PCDH9: variants seen among roughly 807,000 people sequenced by gnomAD.
PCDH9 encodes the protein protocadherin-9.
In PCDH9, 24 loss-of-function variants were observed where a neutral mutation model predicts 70.6. The ratio of observed to expected loss-of-function variants is 0.34; its 90% CI spans 0.25 to 0.48. PCDH9 has a LOEUF of 0.48. Ranked by LOEUF, PCDH9 falls within the 20% of genes least tolerant of loss-of-function variation. The pLI is 0.99. For missense variants in PCDH9, 1,281 were observed against 1,503.6 expected (o/e 0.85, Z 2.45); for synonymous variants, 562 against 558.5 (o/e 1.01, Z -0.09).
At chr13:67,122,549 C>T (rs889636191) in intron 2 of PCDH9, among the ~76,000 whole-genome samples, 19 of 151,730 alleles carry the variant, frequency 1.3e-4, no homozygotes, top group Admixed American at 9.2e-4. Context: ...TCGAGGTGGG[C>T]GGATGACGAG....
chr13:67,189,671 A>G (rs959786470), intron 2 of PCDH9, among the ~76,000 whole-genome samples: 3 of 152,068 alleles, frequency 2.0e-5, no homozygotes, highest in African/African-American at 7.2e-5. Context: ...GATAAGTGCC[A>G]TGATGAGAAA....
intron 3 of PCDH9, among the ~76,000 whole-genome samples, chr13:66,712,182 AT>A (rs1350132818): frequency 6.6e-6 from 1 of 152,168 alleles, no homozygotes; most frequent in Admixed American, 6.5e-5. Context: ...TCCCTTGCAT[AT>A]TTTAGGATTT....
At chr13:66,414,172 T>C (rs943704716) in intron 4 of PCDH9, among the ~76,000 whole-genome samples, 2 of 152,204 alleles carry the variant, frequency 1.3e-5, no homozygotes, top group Non-Finnish European at 2.9e-5. Flanking sequence ...ACACTTTAAA[T>C]TTCACTCTGC....
intron 3 of PCDH9, among the ~76,000 whole-genome samples, chr13:66,804,886 T>G (rs1261026382): frequency 2.0e-5 from 3 of 152,088 alleles, no homozygotes; most frequent in African/African-American, 7.2e-5. Flanking sequence ...GGGAGTGTTA[T>G]TCATAATTAC....
intron 2 of PCDH9, among the ~76,000 whole-genome samples, chr13:66,978,947 A>G (rs948366228): frequency 9.2e-5 from 14 of 151,768 alleles, no homozygotes; most frequent in African/African-American, 3.4e-4. Context: ...TGTTATATAA[A>G]GTTATGAAGG....
At chr13:66,816,999 TA>T (rs11456031) in intron 3 of PCDH9, among the ~76,000 whole-genome samples, 3,299 of 141,786 alleles carry the variant, frequency 0.023, 128 homozygotes, top group African/African-American at 0.073. Context: ...TGAAAATATT[TA>T]AAAAAAAAAA....
At chr13:66,333,200 A>G (rs1955973496) in intron 4 of PCDH9, among the ~76,000 whole-genome samples, 1 of 152,214 alleles carries the variant, frequency 6.6e-6, no homozygotes, top group African/African-American at 2.4e-5. Context: ...AGCAAGTAGT[A>G]TGTGTAGATT....
At chr13:66,798,881 T>C (rs1174448829) in intron 3 of PCDH9, among the ~76,000 whole-genome samples, 1 of 152,128 alleles carries the variant, frequency 6.6e-6, no homozygotes, top group Non-Finnish European at 1.5e-5. Context: ...AGTGGCATGA[T>C]CTCTGCTAAT....
chr13:66,549,021 T>G (rs17584408), intron 4 of PCDH9, among the ~76,000 whole-genome samples: 24,312 of 152,052 alleles, frequency 0.16, 2,354 homozygotes, highest in Non-Finnish European at 0.21. Flanking sequence ...CCACCATAAG[T>G]GAGAGAAGAC....
intron 3 of PCDH9, among the ~76,000 whole-genome samples, chr13:66,762,037 AAGCTTGTCC>A (rs1396173491): frequency 8.5e-5 from 13 of 152,048 alleles, no homozygotes; most frequent in Non-Finnish European, 1.9e-4. Context: ...TTTCAACAGT[AAGCTTGTCC>A]AGAGATTCTG....
chr13:66,363,385 A>G (rs1956503288), intron 4 of PCDH9, among the ~76,000 whole-genome samples: 1 of 152,168 alleles, frequency 6.6e-6, no homozygotes, highest in Non-Finnish European at 1.5e-5. Flanking sequence ...AAGATTGTCC[A>G]TTAGGATATC....
chr13:66,318,196 T>G (rs2138080042), intron 4 of PCDH9, among the ~76,000 whole-genome samples: 1 of 152,290 alleles, frequency 6.6e-6, no homozygotes, highest in South Asian at 2.1e-4. Context: ...TCTTGAAAGG[T>G]AAATTTCTCT....
At chr13:67,038,983 C>T (rs1446666342) in intron 2 of PCDH9, among the ~76,000 whole-genome samples, 1 of 152,184 alleles carries the variant, frequency 6.6e-6, no homozygotes, top group East Asian at 1.9e-4. Flanking sequence ...CACCTCAAAA[C>T]ACCAGGGAGG....
chr13:66,634,710 T>C lies in PCDH9; in HGVS notation c.3139-3299A>G, dbSNP rs146226800. Among the ~76,000 whole-genome samples the C allele has an allele frequency of 3.0e-3, 463 of 152,266 alleles. 1 individual carries two copies. The highest frequency in any genetic ancestry group is 0.011 in the African/African-American group (440 of 41,572). On this transcript the variant is annotated intron_variant, in intron 3 of 4. Transcript: ENST00000377865. ...AGTCAATAAAAAGTAGCTATAATTATTGAAATTTAAAACTACATTTTTAAA... is the reference window on the plus strand; with the variant it reads ...AGTCAATAAAAAGTAGCTATAATTACTGAAATTTAAAACTACATTTTTAAA...
At chr13:66,386,424 G>C (rs970726495) in intron 4 of PCDH9, among the ~76,000 whole-genome samples, 2 of 152,092 alleles carry the variant, frequency 1.3e-5, no homozygotes, top group African/African-American at 4.8e-5. Flanking sequence ...TTTTTTGGAT[G>C]GGGGTTGAAC....
At position 66,728,445 on chromosome 13, in the gene PCDH9, A is replaced by G. The variant is rs1566152166; in HGVS notation, c.3139-97034T>C. ...TTTCCGAATGTTGTTTACTAAAATC[A>G]TAGTAGTGCTGACCATAATTATTAG... On this transcript the variant is annotated intron_variant, in intron 3 of 4. Coordinates refer to ENST00000377865, the MANE Select transcript of PCDH9 (RefSeq NM_203487.3). Among the ~76,000 whole-genome samples, 2 of 152,290 alleles carry G rather than the reference A, an allele frequency of 1.3e-5. 1 individual carries two copies. The highest frequency in any genetic ancestry group is 3.9e-4 in the East Asian group (2 of 5,188).
At chr13:66,768,228 A>G (rs1433343159) in intron 3 of PCDH9, among the ~76,000 whole-genome samples, 1 of 151,996 alleles carries the variant, frequency 6.6e-6, no homozygotes, top group African/African-American at 2.4e-5. Context: ...CCCTATGGCA[A>G]TAGTTGATCA....
intron 3 of PCDH9, among the ~76,000 whole-genome samples, chr13:66,758,054 C>T (rs530672880): frequency 7.8e-4 from 118 of 151,892 alleles, no homozygotes; most frequent in Middle Eastern, 3.5e-3. Flanking sequence ...ATAAGTAATA[C>T]GCAAAATGTT....
At chr13:66,318,304 C>T (rs1016059061) in intron 4 of PCDH9, among the ~76,000 whole-genome samples, 3 of 152,078 alleles carry the variant, frequency 2.0e-5, no homozygotes, top group African/African-American at 7.2e-5. Context: ...TGCCAATCAT[C>T]AACTGCTATT....
Sources: gnomAD v4.1 joint callset for allele counts (sites outside exome capture counted in the v4.1 genomes callset) on GRCh38, gnomAD v4.1.1 for gene constraint, MANE v1.5 for transcripts, NCBI Gene and HGNC (gene_info 2026-07-23, HGNC 2026-07-21) for gene names.